NCAM1: variants seen among roughly 807,000 people sequenced by gnomAD.
NCAM1 encodes neural cell adhesion molecule 1.
A neutral mutation model predicts 109.8 loss-of-function variants in NCAM1; 14 were observed. That is an observed-to-expected ratio of 0.13 (90% CI 0.08 to 0.20). The LOEUF (loss-of-function observed/expected upper bound fraction) is 0.20. NCAM1 is among the 10% of genes least tolerant of loss of function. NCAM1 has a pLI of 1.00. For missense variants in NCAM1, 774 were observed against 1,109.9 expected, an observed-to-expected ratio of 0.70 and a Z score of 4.30; for synonymous variants, 418 against 442.9, an observed-to-expected ratio of 0.94 and a Z score of 0.70.
chr11:113,227,125 AATCAATGAATCCAGGAGCTGGTTTTT>A (rs1944875767), intron 9 of NCAM1, among the ~76,000 whole-genome samples: 1 of 152,190 alleles, frequency 6.6e-6, no homozygotes, highest in African/African-American at 2.4e-5. Flanking sequence ...CCCTTCAAAA[AATCAATGAATCCAGGAGCTGGTTTTT>A]TTTAAAAGAT....
chr11:113,004,722 G>C (rs2135030607), intron 1 of NCAM1, among the ~76,000 whole-genome samples: 1 of 151,902 alleles, frequency 6.6e-6, no homozygotes, highest in East Asian at 1.9e-4. Context: ...GTGGCTTGCT[G>C]TGGTCTCTTT....
At chr11:113,126,559 A>G (rs1209949592) in intron 1 of NCAM1, among the ~76,000 whole-genome samples, 4 of 152,200 alleles carry the variant, frequency 2.6e-5, no homozygotes, top group African/African-American at 9.7e-5. Flanking sequence ...TAAGCAACAC[A>G]AAAAGATCTA....
chr11:113,025,877 T>G (rs1401253707), intron 1 of NCAM1, among the ~76,000 whole-genome samples: 1 of 148,520 alleles, frequency 6.7e-6, no homozygotes, highest in Non-Finnish European at 1.5e-5. Flanking sequence ...TCAGCGTGGG[T>G]TGGCTGCTTT....
chr11:113,153,808 G>A (rs911213707), intron 1 of NCAM1, among the ~76,000 whole-genome samples: 6 of 152,234 alleles, frequency 3.9e-5, no homozygotes, highest in African/African-American at 1.4e-4. Flanking sequence ...TTCTGGATTT[G>A]AATCCTGGCT....
chr11:113,006,835 A>G (rs1951904809), intron 1 of NCAM1, among the ~76,000 whole-genome samples: 1 of 152,252 alleles, frequency 6.6e-6, no homozygotes, highest in African/African-American at 2.4e-5. Flanking sequence ...GGCTGTGGCA[A>G]TTTCTTGCAT....
At chr11:113,265,423 G>A (rs532496077) in intron 17 of NCAM1, among the ~76,000 whole-genome samples, 17 of 152,294 alleles carry the variant, frequency 1.1e-4, no homozygotes, top group African/African-American at 4.1e-4. Flanking sequence ...CAGTGGGAGG[G>A]GAAAATGCCT....
chr11:113,011,371 A>T (rs1224526368), intron 1 of NCAM1, among the ~76,000 whole-genome samples: 3 of 151,720 alleles, frequency 2.0e-5, no homozygotes, highest in African/African-American at 7.3e-5. Flanking sequence ...ATTGTTGGAC[A>T]TTTGGGTTGG....
At chr11:113,256,409 T>A (rs1328798122) in intron 16 of NCAM1, among the ~76,000 whole-genome samples, 2 of 152,252 alleles carry the variant, frequency 1.3e-5, no homozygotes, top group Non-Finnish European at 2.9e-5. Flanking sequence ...GCATTTTCTC[T>A]GCACAAGAAC....
intron 14 of NCAM1, among the ~76,000 whole-genome samples, chr11:113,238,641 G>A (rs960639614): frequency 2.0e-5 from 3 of 152,232 alleles, no homozygotes; most frequent in Admixed American, 2.0e-4. Context: ...AAGACACAAA[G>A]ATTGTCTGAA....
intron 1 of NCAM1, among the ~76,000 whole-genome samples, chr11:113,098,995 C>T (rs1939738417): frequency 1.3e-5 from 2 of 152,196 alleles, no homozygotes; most frequent in Admixed American, 6.5e-5. Flanking sequence ...ACGTATCTCT[C>T]AGTGACAGTA....
intron 3 of NCAM1, 49 bp from the exon 4 acceptor site, chr11:113,205,474 T>A (rs371317616): frequency 6.3e-7 from 1 of 1,578,556 alleles, no homozygotes; most frequent in African/African-American, 1.4e-5. Flanking sequence ...AAAGGGGTTC[T>A]TTGTGAGAGA....
intron 1 of NCAM1, among the ~76,000 whole-genome samples, chr11:112,991,814 A>G (rs1287379451): frequency 6.6e-6 from 1 of 152,222 alleles, no homozygotes; most frequent in Non-Finnish European, 1.5e-5. Flanking sequence ...GATTGGCAAT[A>G]TGGTCTGTAA....
chr11:113,011,747 G>A (rs531172168), intron 1 of NCAM1, among the ~76,000 whole-genome samples: 2 of 152,172 alleles, frequency 1.3e-5, no homozygotes, highest in South Asian at 4.1e-4. Context: ...TCGTTAAGCA[G>A]TCTGCTTTGC....
intron 14 of NCAM1, among the ~76,000 whole-genome samples, chr11:113,241,465 C>G (rs1412417821): frequency 1.3e-5 from 2 of 152,124 alleles, no homozygotes; most frequent in Non-Finnish European, 2.9e-5. Context: ...AGTAGTCACC[C>G]ACGTCCCGCC....
chr11:113,004,461 C>G (rs1555072983), intron 1 of NCAM1, among the ~76,000 whole-genome samples: 5 of 151,796 alleles, frequency 3.3e-5, no homozygotes, highest in Non-Finnish European at 7.4e-5. Flanking sequence ...CACTGCATTC[C>G]AGACTGGGTG....
chr11:113,226,826 G>C (rs559119788), intron 9 of NCAM1, among the ~76,000 whole-genome samples: 6 of 152,318 alleles, frequency 3.9e-5, no homozygotes, highest in African/African-American at 1.4e-4. Context: ...GCTCCTGAAT[G>C]ACTACTGGGT....
chr11:113,109,209 G>A (rs963097982), intron 1 of NCAM1, among the ~76,000 whole-genome samples: 2 of 151,648 alleles, frequency 1.3e-5, no homozygotes, highest in East Asian at 2.0e-4. Flanking sequence ...TTAACCGGGC[G>A]TGGTGGCATG....
At chr11:113,048,751 A>G (rs1953359276) in intron 1 of NCAM1, among the ~76,000 whole-genome samples, 1 of 152,212 alleles carries the variant, frequency 6.6e-6, no homozygotes, top group Non-Finnish European at 1.5e-5. Context: ...GATCTCAGAC[A>G]AGGTGCTTCT....
chr11:113,014,719 A>G (rs2135164244), intron 1 of NCAM1, among the ~76,000 whole-genome samples: 1 of 152,360 alleles, frequency 6.6e-6, no homozygotes, highest in East Asian at 1.9e-4. Context: ...TATTGGAAAT[A>G]CCTGCTGGAT....
Sources: gnomAD v4.1 joint callset for allele counts (sites outside exome capture counted in the v4.1 genomes callset) on GRCh38, gnomAD v4.1.1 for gene constraint, MANE v1.5 for transcripts, NCBI Gene and HGNC (gene_info 2026-07-23, HGNC 2026-07-21) for gene names.